ITPR2: variants seen among roughly 807,000 people sequenced by gnomAD.
ITPR2 encodes inositol 1,4,5-trisphosphate receptor type 2, also known as inositol 1,4,5-trisphosphate-gated calcium channel ITPR2.
Under a neutral mutation model 317.1 loss-of-function variants are expected in ITPR2, and 207 were observed. The observed-to-expected ratio is 0.65, with a 90% CI of 0.58 to 0.73. The LOEUF (loss-of-function observed/expected upper bound fraction) is 0.73, where lower values mean the gene tolerates loss of function less well. ITPR2 is among the 30% of genes least tolerant of loss of function. ITPR2 has a pLI of 0.00. For synonymous variants in ITPR2, 1,156 were observed against 1,149.1 expected, an observed-to-expected ratio of 1.01 and a Z score of -0.12; for missense variants, 2,613 against 3,284.0, an observed-to-expected ratio of 0.80 and a Z score of 4.99.
chr12:26,343,895 T>C (rs1591949157), intron 55 of ITPR2, among the ~76,000 whole-genome samples: 1 of 151,266 alleles, frequency 6.6e-6, no homozygotes, highest in African/African-American at 2.4e-5. Context: ...GAGAAGGGGG[T>C]CACCATGGTT....
At chr12:26,546,090 G>C (rs932890319) in intron 37 of ITPR2, among the ~76,000 whole-genome samples, 1 of 152,114 alleles carries the variant, frequency 6.6e-6, no homozygotes, top group African/African-American at 2.4e-5. Context: ...ATAAAATTAA[G>C]AAATAAGATA....
chr12:26,359,788 G>A (rs1323434438), intron 55 of ITPR2, among the ~76,000 whole-genome samples: 2 of 151,968 alleles, frequency 1.3e-5, no homozygotes, highest in African/African-American at 4.8e-5. Context: ...CATTTTCAGG[G>A]ACAAGCACAT....
At chr12:26,649,877 CA>C (rs1293794739) in intron 21 of ITPR2, among the ~76,000 whole-genome samples, 1 of 152,048 alleles carries the variant, frequency 6.6e-6, no homozygotes, top group East Asian at 1.9e-4. Flanking sequence ...GATAGATAGA[CA>C]GATAGATAAT....
chr12:26,694,806 C>G (rs971067507), intron 10 of ITPR2, among the ~76,000 whole-genome samples: 2 of 152,146 alleles, frequency 1.3e-5, no homozygotes, highest in Non-Finnish European at 1.5e-5. Context: ...TCGAATAAAC[C>G]TACCTCTACG....
intron 26 of ITPR2, among the ~76,000 whole-genome samples, chr12:26,608,832 A>C (rs1360036819): frequency 1.3e-5 from 2 of 152,110 alleles, no homozygotes. Context: ...ATCATACAGC[A>C]ATATGTCCCA....
At chr12:26,739,672 G>C (rs12813817) in intron 2 of ITPR2, among the ~76,000 whole-genome samples, 32,116 of 151,944 alleles carry the variant, frequency 0.21, 3,548 homozygotes, top group Non-Finnish European at 0.24. Flanking sequence ...ACTGCAAAAG[G>C]ACAAAAAAGA....
chr12:26,779,919 C>A (rs1270148345), intron 2 of ITPR2, among the ~76,000 whole-genome samples: 1 of 152,174 alleles, frequency 6.6e-6, no homozygotes, highest in Non-Finnish European at 1.5e-5. Flanking sequence ...TGTAGACGGG[C>A]CTCTCTGAGT....
chr12:26,702,329 T>C (rs1210016689), intron 9 of ITPR2, among the ~76,000 whole-genome samples: 1 of 150,290 alleles, frequency 6.7e-6, no homozygotes, highest in Non-Finnish European at 1.5e-5. Flanking sequence ...ATCTTGTTCA[T>C]AATTACTTTG....
At chr12:26,457,907 G>A (rs746610262) in intron 45 of ITPR2, among the ~76,000 whole-genome samples, 21 of 152,084 alleles carry the variant, frequency 1.4e-4, no homozygotes, top group East Asian at 9.6e-4. Flanking sequence ...ACACAGCACC[G>A]ATACAAAGTA....
Position 26,446,087 on chromosome 12 carries a change from A to G in ITPR2, c.6343-2437T>C, listed in dbSNP as rs576954468. Among the ~76,000 whole-genome samples the G allele has an allele frequency of 3.3e-5, 5 of 152,248 alleles. No homozygotes were observed. In the South Asian group the frequency reaches 1.0e-3, roughly 32 times the overall value. On this transcript the variant is annotated intron_variant, in intron 45 of 56. Coordinates refer to ENST00000381340, the MANE Select transcript of ITPR2 (RefSeq NM_002223.4). ...AACACTGACAAGTTCTTTTCTGGTT[A>G]CTTTTTTTCTCAGTGAAGTAGGAAG...
chr12:26,602,381 G>T lies in ITPR2; in HGVS notation c.3667C>A (p.Pro1223Thr). 2 of 1,612,496 alleles carry T rather than the reference G, an allele frequency of 1.2e-6. No individual in the cohort carries two copies. Among genetic ancestry groups the T allele is most frequent in the South Asian group, 2.2e-5 (2 of 90,652 alleles). Reference sequence around the variant, plus strand: ...TAACCAGGACTAACCTTTTCATAGGGTATCTGCAGAAGATCCAACACCACC... The same window carrying T: ...TAACCAGGACTAACCTTTTCATAGGTTATCTGCAGAAGATCCAACACCACC... ...HSVVLDLLQI[P>T]YEKNDEKMNE... is the part of the protein sequence containing the mutation. Residue 1223 changes from proline to threonine, a missense_variant, in exon 28 of 57, where the codon CCC (proline) becomes ACC (threonine). Pro to Thr is a conservative substitution (Grantham distance 38). Transcript: ENST00000381340.
At chr12:26,602,331 A>C in intron 28 of ITPR2, 39 bp downstream of exon 28, 2 of 1,566,342 alleles carry the variant, frequency 1.3e-6, no homozygotes, top group Non-Finnish European at 1.7e-6. Flanking sequence ...AATTGTATCA[A>C]AATAAAAAGC....
chr12:26,786,288 C>A, intron 2 of ITPR2, among the ~76,000 whole-genome samples: 1 of 108,884 alleles, frequency 9.2e-6, no homozygotes, highest in African/African-American at 3.4e-5. Flanking sequence ...ACTCCCTAAT[C>A]TTAAGTACCC....
intron 54 of ITPR2, among the ~76,000 whole-genome samples, chr12:26,394,756 G>A (rs1939944207): frequency 6.6e-6 from 1 of 152,170 alleles, no homozygotes; most frequent in African/African-American, 2.4e-5. Context: ...GACCATTTGG[G>A]GTTGTGAGCC....
intron 56 of ITPR2, among the ~76,000 whole-genome samples, 190 bp from the exon 57 acceptor site, chr12:26,339,673 G>C (rs1363580432): frequency 6.6e-6 from 1 of 152,158 alleles, no homozygotes; most frequent in African/African-American, 2.4e-5. Flanking sequence ...AAACCCCTCT[G>C]TGTGGTTAGG....
At chr12:26,775,492 C>T (rs933178326) in intron 2 of ITPR2, among the ~76,000 whole-genome samples, 47 of 152,128 alleles carry the variant, frequency 3.1e-4, no homozygotes, top group Admixed American at 5.9e-4. Flanking sequence ...CAGGAGTTTC[C>T]ATTGACTAAA....
intron 32 of ITPR2, among the ~76,000 whole-genome samples, chr12:26,584,750 T>C (rs1945481137): frequency 6.6e-6 from 1 of 152,194 alleles, no homozygotes; most frequent in Non-Finnish European, 1.5e-5. Context: ...AAAATTTACA[T>C]TTAAATAGCC....
At chr12:26,405,230 C>T (rs562294966) in intron 52 of ITPR2, among the ~76,000 whole-genome samples, 1 of 151,900 alleles carries the variant, frequency 6.6e-6, no homozygotes, top group East Asian at 1.9e-4. Context: ...TGAAAATAGA[C>T]TTTTAATGTG....
At chr12:26,498,859 T>TATAATCAC (rs1565563055) in intron 37 of ITPR2, among the ~76,000 whole-genome samples, 1 of 152,148 alleles carries the variant, frequency 6.6e-6, no homozygotes, top group Non-Finnish European at 1.5e-5. Context: ...TATTTAGAGA[T>TATAATCAC]AGGGTCTTGT....
Sources: gnomAD v4.1 joint callset for allele counts (sites outside exome capture counted in the v4.1 genomes callset) on GRCh38, gnomAD v4.1.1 for gene constraint, MANE v1.5 for transcripts, NCBI Gene and HGNC (gene_info 2026-07-23, HGNC 2026-07-21) for gene names.